Variants in CDH23 observed in about 807,000 individuals in gnomAD.
CDH23 encodes the protein cadherin-23.
CDH23 carries 189 observed loss-of-function variants against 317.1 expected under a neutral mutation model. The ratio of observed to expected loss-of-function variants is 0.60; its 90% CI spans 0.53 to 0.67. CDH23 has a LOEUF of 0.67. Among genes scored for constraint, CDH23 ranks in the 30% least tolerant of loss-of-function variants. The pLI is 0.00. For synonymous variants in CDH23, 1,839 were observed against 1,876.8 expected (o/e 0.98, Z 0.52); for missense variants, 4,401 against 4,592.4 (o/e 0.96, Z 1.20).
chr10:71,586,821 C>T (rs1366713265), intron 9 of CDH23, among the ~76,000 whole-genome samples: 2 of 152,196 alleles, frequency 1.3e-5, no homozygotes, highest in Non-Finnish European at 2.9e-5. Context: ...TACATAGGCT[C>T]CTGGGACTCC....
chr10:71,462,996 G>T (rs1428978934), intron 3 of CDH23, among the ~76,000 whole-genome samples: 1 of 152,186 alleles, frequency 6.6e-6, no homozygotes, highest in African/African-American at 2.4e-5. Flanking sequence ...AAATTTAAAT[G>T]CTTACCGGCT....
Position 71,811,449 on chromosome 10 carries a change from G to T in CDH23, c.9198+14G>T, listed in dbSNP as rs574673289. On this transcript the variant is annotated intron_variant, in intron 63 of 69. Coordinates refer to ENST00000224721, the MANE Select transcript of CDH23 (RefSeq NM_022124.6). ...TCTGCCCTGCAGGTACCCGGCGACC[G>T]TGCCCCACAGCCCTAGCCGCCCTCC... is the stretch of plus-strand genomic sequence containing the variant. 6.2e-7 allele frequency: 1 copy of T among 1,613,956 alleles called. No individual in the cohort carries two copies. Among genetic ancestry groups the T allele is most frequent in the Non-Finnish European group, 8.5e-7 (1 of 1,179,882 alleles).
At chr10:71,667,890 G>A (rs894980267) in intron 14 of CDH23, among the ~76,000 whole-genome samples, 2 of 152,048 alleles carry the variant, frequency 1.3e-5, no homozygotes, top group African/African-American at 4.8e-5. Context: ...AGATGAAGGG[G>A]GACTACATGA....
chr10:71,754,055 T>C (rs1840072111), intron 38 of CDH23, among the ~76,000 whole-genome samples: 1 of 152,176 alleles, frequency 6.6e-6, no homozygotes, highest in Non-Finnish European at 1.5e-5. Flanking sequence ...CTCCCAGCCC[T>C]TTCCTTTTCT....
chr10:71,797,051 G>A, intron 48 of CDH23, 53 bp from the exon 49 acceptor site: 1 of 1,208,618 alleles, frequency 8.3e-7, no homozygotes, highest in Non-Finnish European at 1.2e-6. Flanking sequence ...CCTGGGAAGG[G>A]CAGATTTTAG....
intron 3 of CDH23, among the ~76,000 whole-genome samples, chr10:71,469,403 C>CT (rs145227422): frequency 0.015 from 2,351 of 152,282 alleles, 66 homozygotes; most frequent in African/African-American, 0.054. Flanking sequence ...TGTATGTACT[C>CT]TTTTTGTCTG....
chr10:71,495,143 A>G (rs1472488304), intron 3 of CDH23, among the ~76,000 whole-genome samples: 1 of 152,224 alleles, frequency 6.6e-6, no homozygotes, highest in Non-Finnish European at 1.5e-5. Flanking sequence ...CGGCATTTGC[A>G]TAAATCTCAT....
chr10:71,514,518 C>G (rs1589153274), intron 6 of CDH23, among the ~76,000 whole-genome samples: 1 of 152,198 alleles, frequency 6.6e-6, no homozygotes, highest in Middle Eastern at 3.4e-3. Flanking sequence ...TAGGCATTGC[C>G]CCGCTGCCTG....
rs948272510 is a variant in CDH23, at chr10:71,790,559, C to A, written c.6049+146C>A. On this transcript the variant is annotated intron_variant, in intron 46 of 69. Coordinates refer to ENST00000224721, the MANE Select transcript of CDH23 (RefSeq NM_022124.6). ...TTCACAGCCCAGAGTCCCCATCTTG[C>A]AGCTGGGTTATATCACCCAGTGGCC... is the stretch of plus-strand genomic sequence containing the variant. The A allele has an allele frequency of 1.8e-5, 20 of 1,111,598 alleles. No homozygotes were observed. The Admixed American group carries it at 4.9e-4, about 27-fold the overall frequency. 68.9% of individuals were successfully genotyped at this position (1,111,598 alleles called of 1,614,324 possible). A position where few individuals can be genotyped will look rare whatever the true frequency, so the allele number is the denominator to read the frequency against.
At chr10:71,642,554 A>T (rs1862607700) in intron 11 of CDH23, among the ~76,000 whole-genome samples, 1 of 151,772 alleles carries the variant, frequency 6.6e-6, no homozygotes, top group African/African-American at 2.4e-5. Context: ...GTGCATCAAC[A>T]TGCCCAGCTA....
intron 1 of CDH23, among the ~76,000 whole-genome samples, chr10:71,428,183 G>A (rs528079916): frequency 1.3e-5 from 2 of 148,872 alleles, no homozygotes; most frequent in East Asian, 3.9e-4. Flanking sequence ...TGTCGCCCAG[G>A]CTGGAGTGCA....
At chr10:71,704,668 C>T (rs1193216439) in intron 24 of CDH23, among the ~76,000 whole-genome samples, 1 of 152,174 alleles carries the variant, frequency 6.6e-6, no homozygotes, top group African/African-American at 2.4e-5. Flanking sequence ...AAAAGTCCCT[C>T]TGCCACCCCA....
chr10:71,667,019 A>G (rs1259910038), intron 14 of CDH23, among the ~76,000 whole-genome samples: 1 of 152,238 alleles, frequency 6.6e-6, no homozygotes, highest in African/African-American at 2.4e-5. Flanking sequence ...TCCTGAACAA[A>G]TTGTACCGCG....
intron 9 of CDH23, among the ~76,000 whole-genome samples, chr10:71,579,997 G>A (rs1858512211): frequency 6.6e-6 from 1 of 152,280 alleles, no homozygotes; most frequent in South Asian, 2.1e-4. Context: ...GATGGAGGTG[G>A]GGAGCAGAGA....
At chr10:71,691,322 AT>A (rs941412864) in intron 20 of CDH23, among the ~76,000 whole-genome samples, 4 of 152,194 alleles carry the variant, frequency 2.6e-5, no homozygotes, top group Non-Finnish European at 2.9e-5. Flanking sequence ...ATGTTCATTT[AT>A]TCATATGTTC....
intron 1 of CDH23, among the ~76,000 whole-genome samples, chr10:71,436,652 G>A (rs989242338): frequency 3.9e-5 from 6 of 152,184 alleles, no homozygotes; most frequent in East Asian, 3.8e-4. Flanking sequence ...AATAATACCC[G>A]TGAAAATCCT....
intron 3 of CDH23, among the ~76,000 whole-genome samples, chr10:71,506,420 G>C (rs1366702219): frequency 3.3e-5 from 5 of 152,190 alleles, no homozygotes; most frequent in African/African-American, 9.6e-5. Context: ...TTTTACAAAA[G>C]GAACTCCAGA....
At chr10:71,574,491 C>T (rs1258140351) in intron 8 of CDH23, among the ~76,000 whole-genome samples, 1 of 152,160 alleles carries the variant, frequency 6.6e-6, no homozygotes, top group Non-Finnish European at 1.5e-5. Context: ...TCTGCTGTGG[C>T]AGCTCTCATC....
chr10:71,754,734 ACTTGCAATGAGGAGT>A (rs987559452), intron 38 of CDH23, among the ~76,000 whole-genome samples: 6 of 152,176 alleles, frequency 3.9e-5, no homozygotes, highest in African/African-American at 1.4e-4. Context: ...AAATTCTTGG[ACTTGCAATGAGGAGT>A]AAGTGAGAGC....
Sources: allele counts gnomAD v4.1 joint callset (sites outside exome capture counted in the v4.1 genomes callset), GRCh38; gene constraint gnomAD v4.1.1; transcripts MANE v1.5; gene names NCBI Gene and HGNC (gene_info 2026-07-23, HGNC 2026-07-21).